ZNF460: variants seen among roughly 807,000 people sequenced by gnomAD.
The protein encoded by ZNF460 is zinc finger protein 272.
Under a neutral mutation model 8.4 loss-of-function variants are expected in ZNF460, and 1 was observed. The observed-to-expected ratio is 0.12, with a 90% CI of 0.04 to 0.56. ZNF460 has a LOEUF of 0.56. Among genes scored for constraint, ZNF460 ranks in the 20% least tolerant of loss-of-function variants. The pLI is 0.91. For synonymous variants in ZNF460, 262 were observed against 259.9 expected, an observed-to-expected ratio of 1.01 and a Z score of -0.08; for missense variants, 477 against 714.8, an observed-to-expected ratio of 0.67 and a Z score of 3.79.
chr19:57,280,915 C>T (rs1439306907), intron 1 of ZNF460, 79 bp downstream of exon 1: 7 of 1,582,544 alleles, frequency 4.4e-6, no homozygotes, highest in Non-Finnish European at 6.0e-6. Flanking sequence ...GCCAAGACAG[C>T]CACAGGATTT....
intron 1 of ZNF460, 60 bp from the exon 2 acceptor site, chr19:57,284,491 G>T: frequency 6.3e-7 from 1 of 1,576,466 alleles, no homozygotes; most frequent in Non-Finnish European, 8.6e-7. Flanking sequence ...TGGAGTGACA[G>T]GTTCTAATCC....
At chr19:57,281,038 A>C (rs531941208) in intron 1 of ZNF460, among the ~76,000 whole-genome samples, 2 of 152,282 alleles carry the variant, frequency 1.3e-5, no homozygotes, top group South Asian at 4.1e-4. Flanking sequence ...TGGTTGAAGG[A>C]GTGATGCTTC....
rs1309482178 is a variant in ZNF460, at chr19:57,291,136, C to G, written c.595C>G (p.Pro199Ala). The G allele has an allele frequency of 2.5e-6, 4 of 1,614,036 alleles. No individual in the cohort carries two copies. The highest frequency in any genetic ancestry group is 3.4e-6 in the Non-Finnish European group (4 of 1,180,038). ...ILPRVKPYDC[P>A]ECGKAFGKSK... ...CCCTCGTGTGAAGCCCTATGATTGC[C>G]CAGAATGTGGGAAAGCCTTCGGCAA... is the stretch of plus-strand genomic sequence containing the variant. Residue 199 changes from proline (P) to alanine (A), a missense_variant, in exon 3 of 3, where the codon CCA (proline) becomes GCA (alanine). This residue lies in a region of ZNF460 where 193 missense variants were observed against 391.7 expected (regional missense o/e 0.49). Transcript: ENST00000360338. The surrounding 1 kb of genome is among the most constrained non-coding windows in gnomAD (Gnocchi z 8.4).
chr19:57,280,526 C>A lies in ZNF460; in HGVS notation c.-281C>A, dbSNP rs1011081718. 2.9e-5 allele frequency: 15 copies of A among 513,342 alleles called. No homozygotes were observed. Among genetic ancestry groups the A allele is most frequent in the Non-Finnish European group, 4.6e-5 (13 of 284,866 alleles). The allele number at this position is 513,342 out of a possible 1,614,324, so 31.8% of individuals were successfully genotyped here. On this transcript the variant is annotated 5_prime_UTR_variant, in exon 1 of 3. Transcript: ENST00000360338. ...TAGAGCGCTGGGTGGGCGCGTTCTG[C>A]GGCCTGAGCAGGGACGGGTAGTGAA...
At chr19:57,286,189 A>C (rs917722843) in intron 2 of ZNF460, among the ~76,000 whole-genome samples, 3 of 152,198 alleles carry the variant, frequency 2.0e-5, no homozygotes, top group African/African-American at 7.2e-5. Flanking sequence ...GAATTGAGCA[A>C]GTCTGTCCCG....
rs1224232184 is a variant in ZNF460 at position 57,280,824 on chromosome 19, G to A, written c.18G>A (p.Met6Ile). The A allele has an allele frequency of 6.2e-7, 1 of 1,614,154 alleles. No individual in the cohort carries two copies. The change falls in exon 1 of 3, where the codon ATG (methionine) becomes ATA (isoleucine). Residue 6 changes from methionine (M) to isoleucine (I), a missense_variant. Transcript: ENST00000360338. MAAAW[M>I]APAQESVTFE... ...TTCCCGGGATGGCGGCGGCGTGGATGGCTCCGGCGCAGGTGAGTGGACGAG... is the reference window on the plus strand; with the variant it reads ...TTCCCGGGATGGCGGCGGCGTGGATAGCTCCGGCGCAGGTGAGTGGACGAG...
intron 1 of ZNF460, among the ~76,000 whole-genome samples, chr19:57,281,041 G>A (rs1387441148): frequency 6.6e-6 from 1 of 152,168 alleles, no homozygotes; most frequent in African/African-American, 2.4e-5. Flanking sequence ...TTGAAGGAGT[G>A]ATGCTTCCTT....
At position 57,293,135 on chromosome 19, in the gene ZNF460, C is replaced by CT. The variant is rs2087931319; in HGVS notation, c.*906dup. On this transcript the variant is annotated 3_prime_UTR_variant, in exon 3 of 3. Transcript: ENST00000360338. ...ATCCAGGGAGTCCTAATTCTTCCCT[C>CT]TGATTGTGGTTTCTCAGCTTTTTTA... 1 of 152,152 alleles carries CT rather than the reference C, an allele frequency of 6.6e-6. No homozygotes were observed. The highest frequency in any genetic ancestry group is 2.1e-4 in the South Asian group (1 of 4,830). The allele number at this position is 152,152 out of a possible 1,614,324, so 9.4% of individuals were successfully genotyped here.
Position 57,291,019 on chromosome 19 carries a change from A to G in ZNF460, c.478A>G (p.Thr160Ala), listed in dbSNP as rs1004671053. The G allele has an allele frequency of 2.5e-6, 4 of 1,614,100 alleles. No individual in the cohort carries two copies. Among genetic ancestry groups the G allele is most frequent in the Non-Finnish European group, 3.4e-6 (4 of 1,180,048 alleles). ...TGGATTTGACTCATATGGACCAGTT[A>G]CAGATTCCTTGATTCATGAAGGGGA... Reference protein sequence around the residue: ...LYGFDSYGPVTDSLIHEGENS... With the variant: ...LYGFDSYGPVADSLIHEGENS... Residue 160 changes from threonine (T) to alanine (A), a missense_variant, in exon 3 of 3, where the codon ACA becomes GCA. Thr to Ala is a moderately conservative substitution (Grantham distance 58). This residue lies in a region of ZNF460 where 169 missense variants were observed against 178.6 expected (regional missense o/e 0.95). Coordinates refer to ENST00000360338, the MANE Select transcript of ZNF460 (RefSeq NM_006635.4). The surrounding 1 kb of genome is among the most constrained non-coding windows in gnomAD (Gnocchi z 8.4).
intron 1 of ZNF460, among the ~76,000 whole-genome samples, chr19:57,283,502 CTTTTTTT>C (rs926242067): frequency 2.9e-5 from 2 of 68,548 alleles, no homozygotes; most frequent in African/African-American, 1.3e-4. Flanking sequence ...TTTGACTATT[CTTTTTTT>C]TTTTTTTTTT....
chr19:57,290,851 G>A lies in ZNF460; in HGVS notation c.310G>A (p.Glu104Lys), dbSNP rs369732681. 1.8e-5 allele frequency: 29 copies of A among 1,614,142 alleles called. No homozygotes were observed. In the African/African-American group the frequency reaches 3.5e-4, roughly 19 times the overall value. The change falls in exon 3 of 3, where the codon GAA becomes AAA. Residue 104 changes from glutamate (E) to lysine (K), a missense_variant. By Grantham distance (56) the Glu-to-Lys change is moderately conservative (BLOSUM62 1). Coordinates refer to ENST00000360338, the MANE Select transcript of ZNF460 (RefSeq NM_006635.4). The stretch of plus-strand genomic sequence containing the variant: ...TCAAGATGGGCCATCTGAAATGCAG[G>A]AATACTTTTTGAGACCAGGGACAGA... ...MDQDGPSEMQ[E>K]YFLRPGTDPQ...
chr19:57,289,731 G>A (rs984636232), intron 2 of ZNF460, among the ~76,000 whole-genome samples: 8 of 152,050 alleles, frequency 5.3e-5, no homozygotes, highest in African/African-American at 1.2e-4. Context: ...GGCCAGGCAC[G>A]GTGGGTCACG....
chr19:57,284,467 A>T, intron 1 of ZNF460, 84 bp from the exon 2 acceptor site: 3 of 1,517,158 alleles, frequency 2.0e-6, no homozygotes, highest in Non-Finnish European at 2.7e-6. Flanking sequence ...TTCTCTGTGC[A>T]TCTTTTGCAG....
intron 2 of ZNF460, among the ~76,000 whole-genome samples, chr19:57,285,863 A>G (rs1349103554): frequency 3.3e-5 from 5 of 152,106 alleles, no homozygotes; most frequent in Non-Finnish European, 5.9e-5. Flanking sequence ...CTGGCACCAC[A>G]CGGGGGTGTT....
intron 2 of ZNF460, among the ~76,000 whole-genome samples, chr19:57,285,136 A>T (rs1336947442): frequency 6.6e-6 from 1 of 152,050 alleles, no homozygotes; most frequent in Non-Finnish European, 1.5e-5. Flanking sequence ...GACTCACCTT[A>T]TTCTTCCTGA....
At chr19:57,290,130 A>G (rs2087906029) in intron 2 of ZNF460, among the ~76,000 whole-genome samples, 1 of 148,034 alleles carries the variant, frequency 6.8e-6, no homozygotes, top group South Asian at 2.1e-4. Flanking sequence ...ACAGAGTGAA[A>G]TTCCATCTAA....
Position 57,280,811 on chromosome 19 carries a change from C to G in ZNF460, c.5C>G (p.Ala2Gly). ...CTGATCCGCGGCATTCCCGGGATGGCGGCGGCGTGGATGGCTCCGGCGCAG... is the reference window on the plus strand; with the variant it reads ...CTGATCCGCGGCATTCCCGGGATGGGGGCGGCGTGGATGGCTCCGGCGCAG... M[A>G]AAWMAPAQES... Residue 2 changes from alanine to glycine, a missense_variant, in exon 1 of 3, where the codon GCG becomes GGG. By Grantham distance (60) the Ala-to-Gly change is moderately conservative. Around this residue, in one of 5 missense-constraint regions of ZNF460, gnomAD observed 22 missense variants for 22.3 expected, o/e 0.99. Coordinates refer to ENST00000360338, the MANE Select transcript of ZNF460 (RefSeq NM_006635.4). The G allele has an allele frequency of 6.2e-7, 1 of 1,614,004 alleles. No individual in the cohort carries two copies. Among genetic ancestry groups the G allele is most frequent in the Non-Finnish European group, 8.5e-7 (1 of 1,179,956 alleles).
At position 57,280,770 on chromosome 19, in the gene ZNF460, G is replaced by C. The variant is rs2087832039; in HGVS notation, c.-37G>C. 2 of 1,613,474 alleles carry C rather than the reference G, an allele frequency of 1.2e-6. No homozygotes were observed. Among genetic ancestry groups the C allele is most frequent in the African/African-American group, 2.7e-5 (2 of 74,936 alleles). ...CCGAGGTCGCCCCGCCCAGGACAGA[G>C]AAGGGCTGTGGTCGGCTGATCCGCG... On this transcript the variant is annotated 5_prime_UTR_variant, in exon 1 of 3. Coordinates refer to ENST00000360338, the MANE Select transcript of ZNF460 (RefSeq NM_006635.4).
chr19:57,293,003 T>C lies in ZNF460; in HGVS notation c.*773T>C, dbSNP rs912030106. On this transcript the variant is annotated 3_prime_UTR_variant, in exon 3 of 3. Coordinates refer to ENST00000360338, the MANE Select transcript of ZNF460 (RefSeq NM_006635.4). ...AAAAAATTGTTTCTCCGTGTGTCTT[T>C]AACCACCCAGTACCATACTTTTTTC... 6.6e-6 allele frequency: 1 copy of C among 152,244 alleles called. No individual in the cohort carries two copies. The highest frequency in any genetic ancestry group is 1.5e-5 in the Non-Finnish European group (1 of 68,040). 9.4% of individuals were successfully genotyped at this position (152,244 alleles called of 1,614,324 possible). A position where few individuals can be genotyped will look rare whatever the true frequency, so the allele number is the denominator to read the frequency against.
Sources: gnomAD v4.1 joint callset for allele counts (sites outside exome capture counted in the v4.1 genomes callset) on GRCh38, gnomAD v4.1.1 for gene constraint, gnomAD v4.1.1 regional missense constraint, Gnocchi (gnomAD v3.1) non-coding constraint, MANE v1.5 for transcripts, NCBI Gene and HGNC (gene_info 2026-07-23, HGNC 2026-07-21) for gene names.